The following ANK2 variants were observed in gnomAD, a reference collection of about 807,000 sequenced individuals.
ANK2 encodes ankyrin-2.
Under a neutral mutation model 360.5 loss-of-function variants are expected in ANK2, and 83 were observed. The observed-to-expected ratio is 0.23, with a 90% CI of 0.19 to 0.28. ANK2 has a LOEUF of 0.28. ANK2 is among the 10% of genes least tolerant of loss of function. The pLI is 1.00. For missense variants in ANK2, 4,201 were observed against 4,795.7 expected (o/e 0.88, Z 3.66); for synonymous variants, 1,740 against 1,759.5 (o/e 0.99, Z 0.28).
chr4:113,256,289 G>C (rs556100753), intron 11 of ANK2, among the ~76,000 whole-genome samples: 1 of 152,252 alleles, frequency 6.6e-6, no homozygotes, highest in Middle Eastern at 3.4e-3. Flanking sequence ...GTTAGAACAC[G>C]AGTATGAAAA....
chr4:112,990,665 C>T (rs983282608), intron 2 of ANK2, among the ~76,000 whole-genome samples: 2 of 152,116 alleles, frequency 1.3e-5, no homozygotes, highest in Non-Finnish European at 2.9e-5. Context: ...GTATAGTAGA[C>T]AAAGGGCATG....
intron 45 of ANK2, chr4:113,375,076 GT>G (rs1343150528): frequency 3.1e-6 from 1 of 320,566 alleles, no homozygotes; most frequent in Admixed American, 6.2e-5. Flanking sequence ...ATTCAAGAGG[GT>G]AGAACTCCTG....
At chr4:113,344,613 T>C (rs2094624357) in intron 34 of ANK2, among the ~76,000 whole-genome samples, 2 of 152,118 alleles carry the variant, frequency 1.3e-5, no homozygotes, top group Non-Finnish European at 2.9e-5. Flanking sequence ...GCATTAGCCA[T>C]GGTAGCCAAA....
At chr4:112,847,913 A>G (rs1216858236) in intron 1 of ANK2, among the ~76,000 whole-genome samples, 7 of 152,214 alleles carry the variant, frequency 4.6e-5, no homozygotes, top group African/African-American at 1.4e-4. Flanking sequence ...TTCTAGTCAC[A>G]GTGCATTGCT....
chr4:113,118,525 T>C (rs150634609), intron 1 of ANK2, among the ~76,000 whole-genome samples: 7 of 152,316 alleles, frequency 4.6e-5, no homozygotes, highest in African/African-American at 1.4e-4. Context: ...TAGGGATTCA[T>C]TGCATTTCAG....
At chr4:113,130,173 G>T (rs1376627182) in intron 1 of ANK2, among the ~76,000 whole-genome samples, 2 of 152,126 alleles carry the variant, frequency 1.3e-5, no homozygotes, top group African/African-American at 4.8e-5. Context: ...ACACTTGATT[G>T]TCTAATAATT....
intron 35 of ANK2, chr4:113,347,647 A>G (rs1258533485): frequency 6.6e-6 from 1 of 152,640 alleles, no homozygotes; most frequent in Non-Finnish European, 1.5e-5. Context: ...AATCCCAGAC[A>G]TTGTACATTG....
intron 2 of ANK2, among the ~76,000 whole-genome samples, chr4:112,909,094 G>T (rs186892549): frequency 1.3e-5 from 2 of 152,288 alleles, no homozygotes; most frequent in South Asian, 2.1e-4. Flanking sequence ...AGATACTGGG[G>T]AATAGAATAC....
At chr4:113,140,281 CA>C (rs1340285492) in intron 1 of ANK2, among the ~76,000 whole-genome samples, 2 of 149,692 alleles carry the variant, frequency 1.3e-5, no homozygotes, top group Non-Finnish European at 3.0e-5. Flanking sequence ...TAGGGATAAC[CA>C]AAGATTAATT....
At chr4:112,901,239 T>C (rs1465936169) in intron 1 of ANK2, among the ~76,000 whole-genome samples, 1 of 152,170 alleles carries the variant, frequency 6.6e-6, no homozygotes, top group African/African-American at 2.4e-5. Context: ...CATCTAACTA[T>C]TCATCCAATT....
intron 14 of ANK2, 87 bp from the exon 15 acceptor site, chr4:113,274,365 A>C: frequency 7.0e-7 from 1 of 1,420,982 alleles, no homozygotes; most frequent in Non-Finnish European, 9.9e-7. Flanking sequence ...AGATTCCAAG[A>C]AGACATCATG....
chr4:112,815,275 C>A (rs1360989877), upstream of ANK2, among the ~76,000 whole-genome samples: 1 of 152,010 alleles, frequency 6.6e-6, no homozygotes, highest in African/African-American at 2.4e-5. Context: ...ACAGTATATC[C>A]CTAACAAGAT....
At chr4:113,112,138 G>A (rs183465605) in intron 1 of ANK2, among the ~76,000 whole-genome samples, 1 of 152,114 alleles carries the variant, frequency 6.6e-6, no homozygotes, top group Admixed American at 6.5e-5. Context: ...TCAATCCCTA[G>A]GCTTTCAGTT....
At chr4:113,326,472 G>C (rs1394390937) in intron 26 of ANK2, among the ~76,000 whole-genome samples, 1 of 147,202 alleles carries the variant, frequency 6.8e-6, no homozygotes, top group African/African-American at 2.7e-5. Flanking sequence ...AATTTGTTTA[G>C]AGTATTTTCT....
rs1314696805 is a variant in ANK2 at position 113,006,890 on chromosome 4, T to A, written c.21+102376T>A. On this transcript the variant is annotated intron_variant, in intron 2 of 30. Coordinates refer to the ANK2 transcript ENST00000503271. Reference sequence around the variant, plus strand: ...GTAGGACTTTGTCATGAATCCATTATGAACCTGACTGACACATTTCTCTGA... The same window carrying A: ...GTAGGACTTTGTCATGAATCCATTAAGAACCTGACTGACACATTTCTCTGA... Among the ~76,000 whole-genome samples, 6 of 151,920 alleles carry A rather than the reference T, an allele frequency of 3.9e-5. 1 individual carries two copies. The East Asian group carries it at 1.2e-3, about 29-fold the overall frequency.
chr4:112,785,892 G>A, the ANK2 span, among the ~76,000 whole-genome samples: 1 of 152,150 alleles, frequency 6.6e-6, no homozygotes, highest in Non-Finnish European at 1.5e-5. Context: ...CCAGGCTGGA[G>A]TGCAGCAGTG....
rs1319950461 is a variant in ANK2 at position 113,354,953 on chromosome 4, A to G, written c.6335A>G (p.Lys2112Arg). The change falls in exon 38 of 46, where the codon AAA becomes AGA. Residue 2112 changes from lysine (K) to arginine (R), a missense_variant. Lys to Arg is a conservative substitution (Grantham distance 26). This residue lies in a region of ANK2 where 2,642 missense variants were observed against 2,714.5 expected (regional missense o/e 0.97). Coordinates refer to ENST00000357077, the MANE Select transcript of ANK2 (RefSeq NM_001148.6). ...AGCCACAGAGAGAGCGAAGTGCCCA[A>G]AGAAAAGATGGCTGATGAGCAGGGA... Reference protein sequence around the residue: ...EESHRESEVPKEKMADEQGDM... With the variant: ...EESHRESEVPREKMADEQGDM... 4.3e-6 allele frequency: 7 copies of G among 1,614,068 alleles called. No individual in the cohort carries two copies. Among genetic ancestry groups the G allele is most frequent in the Non-Finnish European group, 5.9e-6 (7 of 1,179,988 alleles).
intron 2 of ANK2, among the ~76,000 whole-genome samples, chr4:113,010,855 C>A (rs1206939489): frequency 6.6e-6 from 1 of 151,966 alleles, no homozygotes; most frequent in African/African-American, 2.4e-5. Context: ...ATTTTTTGAA[C>A]CTTTGAAACA....
At chr4:113,158,830 G>C (rs1470632495) in intron 1 of ANK2, among the ~76,000 whole-genome samples, 1 of 152,078 alleles carries the variant, frequency 6.6e-6, no homozygotes, top group East Asian at 1.9e-4. Flanking sequence ...TAATGAACAA[G>C]ATCTTTCTGG....
Sources: gnomAD v4.1 joint callset for allele counts (sites outside exome capture counted in the v4.1 genomes callset) on GRCh38, gnomAD v4.1.1 for gene constraint, gnomAD v4.1.1 regional missense constraint, MANE v1.5 for transcripts, NCBI Gene and HGNC (gene_info 2026-07-23, HGNC 2026-07-21) for gene names.